DEPTOR: variants seen among roughly 807,000 people sequenced by gnomAD.
DEPTOR encodes the protein DEP domain containing MTOR interacting protein.
Under a neutral mutation model 41.6 loss-of-function variants are expected in DEPTOR, and 41 were observed. The ratio of observed to expected loss-of-function variants is 0.98; its 90% CI spans 0.77 to 1.28. The LOEUF (loss-of-function observed/expected upper bound fraction) is 1.28. Ranked by LOEUF, DEPTOR falls within the 50% of genes most tolerant of loss-of-function variation. The pLI is 0.00. For synonymous variants in DEPTOR, 195 were observed against 192.3 expected (o/e 1.01, Z -0.12); for missense variants, 514 against 527.9 (o/e 0.97, Z 0.26).
At chr8:119,882,648 A>G (rs144858040) in intron 1 of DEPTOR, among the ~76,000 whole-genome samples, 8 of 152,122 alleles carry the variant, frequency 5.3e-5, no homozygotes, top group African/African-American at 1.9e-4. Context: ...GACTCCAGCA[A>G]TCCTCCCACC....
intron 4 of DEPTOR, among the ~76,000 whole-genome samples, chr8:119,992,051 C>T (rs1812181593): frequency 6.6e-6 from 1 of 152,088 alleles, no homozygotes; most frequent in Non-Finnish European, 1.5e-5. Context: ...CTAGAAACAC[C>T]AAGTCTAAGG....
At chr8:119,980,605 C>T (rs11779963) in intron 4 of DEPTOR, among the ~76,000 whole-genome samples, 47,043 of 150,402 alleles carry the variant, frequency 0.31, 9,088 homozygotes, top group East Asian at 0.55. Flanking sequence ...GCAACCTCCG[C>T]CTCCTGTGTT....
Position 120,049,298 on chromosome 8 carries a change from TAGCTAGTATTTAAATACTAGCTAA to T in DEPTOR, c.1102-268_1102-245del, listed in dbSNP as rs772872994. Among the ~76,000 whole-genome samples, 22 of 152,210 alleles carry T rather than the reference TAGCTAGTATTTAAATACTAGCTAA, an allele frequency of 1.4e-4. 1 individual carries two copies. The East Asian group carries it at 2.1e-3, about 15-fold the overall frequency. On this transcript the variant is annotated intron_variant, in intron 8 of 8. Coordinates refer to ENST00000286234, the MANE Select transcript of DEPTOR (RefSeq NM_022783.4). ...AATAAAGCTCAGAAATTTAAATACC[TAGCTAGTATTTAAATACTAGCTAA>T]AGCTAGTATGTCTCTGAGTTAGGAT...
intron 4 of DEPTOR, among the ~76,000 whole-genome samples, chr8:119,989,368 A>C (rs1308086403): frequency 6.6e-6 from 1 of 152,114 alleles, no homozygotes; most frequent in Non-Finnish European, 1.5e-5. Flanking sequence ...AACAGGAATA[A>C]ATGTGGGCAA....
chr8:119,992,561 A>G (rs1324176838), intron 4 of DEPTOR, among the ~76,000 whole-genome samples: 1 of 152,072 alleles, frequency 6.6e-6, no homozygotes, highest in African/African-American at 2.4e-5. Context: ...CACATGCTTC[A>G]TGATGCCTGT....
chr8:119,957,735 C>A (rs142105906), intron 3 of DEPTOR, among the ~76,000 whole-genome samples: 1 of 152,008 alleles, frequency 6.6e-6, no homozygotes, highest in African/African-American at 2.4e-5. Context: ...ATTATAGGCA[C>A]GCGCCACCAT....
intron 6 of DEPTOR, among the ~76,000 whole-genome samples, chr8:120,004,334 T>C (rs4364674): frequency 0.15 from 23,075 of 152,110 alleles, 2,840 homozygotes; most frequent in African/African-American, 0.33. Flanking sequence ...CTTGCTTCCA[T>C]ACTGTCCTGG....
At chr8:119,893,928 T>G (rs1827482053) in intron 1 of DEPTOR, among the ~76,000 whole-genome samples, 2 of 152,198 alleles carry the variant, frequency 1.3e-5, no homozygotes, top group African/African-American at 2.4e-5. Context: ...CTTCGTGAAC[T>G]TCTAAATAGA....
At chr8:119,945,085 G>A (rs1406290959) in intron 3 of DEPTOR, among the ~76,000 whole-genome samples, 1 of 151,892 alleles carries the variant, frequency 6.6e-6, no homozygotes, top group Non-Finnish European at 1.5e-5. Context: ...GCTCTCTGAG[G>A]TCATGCACCT....
At chr8:119,886,610 C>T (rs756912634) in intron 1 of DEPTOR, among the ~76,000 whole-genome samples, 6 of 152,026 alleles carry the variant, frequency 3.9e-5, no homozygotes, top group Non-Finnish European at 8.8e-5. Flanking sequence ...AGAAAAACTG[C>T]GCTGGTTAAT....
intron 6 of DEPTOR, among the ~76,000 whole-genome samples, chr8:120,004,928 GTATA>G (rs1812410461): frequency 1.3e-5 from 2 of 150,002 alleles, no homozygotes; most frequent in South Asian, 4.2e-4. Context: ...TTTTAGTACT[GTATA>G]TAAATGCCCT....
chr8:120,023,406 A>G (rs980060426), intron 8 of DEPTOR, among the ~76,000 whole-genome samples: 1 of 151,902 alleles, frequency 6.6e-6, no homozygotes, highest in Non-Finnish European at 1.5e-5. Context: ...ATGCCCAGCT[A>G]ATTTTTGTAT....
chr8:119,881,177 G>A (rs1274590715), intron 1 of DEPTOR, among the ~76,000 whole-genome samples: 1 of 152,102 alleles, frequency 6.6e-6, no homozygotes, highest in Non-Finnish European at 1.5e-5. Flanking sequence ...AATAAATATT[G>A]AATTGCTTTC....
chr8:120,048,279 ATTC>A (rs1404426104), intron 8 of DEPTOR, among the ~76,000 whole-genome samples: 1 of 152,154 alleles, frequency 6.6e-6, no homozygotes, highest in Non-Finnish European at 1.5e-5. Context: ...AGGAGGTGAA[ATTC>A]TTCTCATTCT....
At chr8:119,878,901 G>A (rs1024858764) in intron 1 of DEPTOR, among the ~76,000 whole-genome samples, 5 of 150,876 alleles carry the variant, frequency 3.3e-5, no homozygotes, top group East Asian at 2.0e-4. Context: ...ACCTGAGATC[G>A]GGAGTTCAAG....
At chr8:119,896,950 C>G (rs1268816370) in intron 1 of DEPTOR, among the ~76,000 whole-genome samples, 5 of 152,036 alleles carry the variant, frequency 3.3e-5, no homozygotes, top group Admixed American at 6.5e-5. Context: ...GCTACAAAAA[C>G]TTGGGTTGGT....
intron 4 of DEPTOR, among the ~76,000 whole-genome samples, chr8:119,999,445 G>T (rs985951392): frequency 2.4e-4 from 37 of 152,220 alleles, no homozygotes; most frequent in African/African-American, 8.7e-4. Context: ...TGACACACTG[G>T]CATGTTTATA....
intron 4 of DEPTOR, among the ~76,000 whole-genome samples, chr8:119,991,344 C>G (rs559032107): frequency 1.3e-5 from 2 of 152,076 alleles, no homozygotes; most frequent in Admixed American, 6.6e-5. Flanking sequence ...GAAACAGTGT[C>G]TCGCTCTGTT....
intron 3 of DEPTOR, among the ~76,000 whole-genome samples, chr8:119,958,555 G>A (rs112761221): frequency 1.3e-5 from 2 of 152,056 alleles, no homozygotes; most frequent in Non-Finnish European, 2.9e-5. Flanking sequence ...GAGGCCGAGG[G>A]TGAATCACTT....
Sources: gnomAD v4.1 joint callset for allele counts (sites outside exome capture counted in the v4.1 genomes callset) on GRCh38, gnomAD v4.1.1 for gene constraint, MANE v1.5 for transcripts, NCBI Gene and HGNC (gene_info 2026-07-23, HGNC 2026-07-21) for gene names.